Variants in L3MBTL4 observed in about 807,000 individuals in gnomAD.
The protein encoded by L3MBTL4 is lethal(3)malignant brain tumor-like protein 4.
A neutral mutation model predicts 84.5 loss-of-function variants in L3MBTL4; 70 were observed. The ratio of observed to expected loss-of-function variants is 0.83; its 90% CI spans 0.68 to 1.01. The LOEUF is 1.01. L3MBTL4 is among the 50% of genes least tolerant of loss of function. The pLI, the probability that L3MBTL4 is intolerant of heterozygous loss-of-function variation, is 0.00. For synonymous variants in L3MBTL4, 274 were observed against 259.8 expected (o/e 1.05, Z -0.52); for missense variants, 715 against 754.8 (o/e 0.95, Z 0.62).
intron 11 of L3MBTL4, 127 bp from the exon 12 acceptor site, chr18:6,213,386 T>G: frequency 1.7e-6 from 1 of 576,118 alleles, no homozygotes. Flanking sequence ...TGGAATTTAG[T>G]GTTTTTTGTT....
intron 13 of L3MBTL4, 103 bp downstream of exon 13, chr18:6,171,725 G>A: frequency 1.6e-6 from 1 of 618,540 alleles, no homozygotes; most frequent in Non-Finnish European, 2.8e-6. Context: ...TCGCCTATGT[G>A]ATGTTTAGCT....
At chr18:6,235,346 A>G in intron 10 of L3MBTL4, among the ~76,000 whole-genome samples, 1 of 152,200 alleles carries the variant, frequency 6.6e-6, no homozygotes, top group Admixed American at 6.5e-5. Flanking sequence ...AAAAAGAAAT[A>G]AAGACGTATG....
rs527932604 is a variant in L3MBTL4, at chr18:6,111,082, G to A, written c.1200-17554C>T. Among the ~76,000 whole-genome samples the A allele has an allele frequency of 7.2e-4, 110 of 151,938 alleles. 1 individual carries two copies. The South Asian group carries it at 0.01, about 14-fold the overall frequency. ...ATTCACCATTTGCAAGGAAAAGAAA[G>A]AACCTAAGAAGAGAAGCAAGCAGGA... On this transcript the variant is annotated intron_variant, in intron 14 of 18. Coordinates refer to ENST00000317931, the MANE Select transcript of L3MBTL4 (RefSeq NM_001330559.2).
intron 10 of L3MBTL4, among the ~76,000 whole-genome samples, chr18:6,222,639 C>A (rs1277991028): frequency 1.3e-5 from 2 of 152,100 alleles, no homozygotes; most frequent in Non-Finnish European, 2.9e-5. Context: ...CTAACCGTAT[C>A]ATATTCCACT....
chr18:6,315,691 G>A (rs392054), intron 1 of L3MBTL4, among the ~76,000 whole-genome samples: 8,166 of 152,116 alleles, frequency 0.054, 253 homozygotes, highest in East Asian at 0.11. Context: ...CACTCAGTAC[G>A]CTAGCCAAAT....
chr18:6,018,470 C>T (rs650565), intron 16 of L3MBTL4, among the ~76,000 whole-genome samples: 5,435 of 152,174 alleles, frequency 0.036, 332 homozygotes, highest in African/African-American at 0.12. Flanking sequence ...CTTTTCCTAC[C>T]CACGGAAAGC....
chr18:6,158,013 C>T (rs1432634986), intron 13 of L3MBTL4, among the ~76,000 whole-genome samples: 1 of 152,188 alleles, frequency 6.6e-6, no homozygotes, highest in Non-Finnish European at 1.5e-5. Context: ...TCCATAGCTA[C>T]TACTCAAGAA....
intron 16 of L3MBTL4, among the ~76,000 whole-genome samples, chr18:6,033,176 AT>A (rs2055923557): frequency 1.3e-5 from 2 of 152,186 alleles, no homozygotes; most frequent in South Asian, 4.1e-4. Context: ...AGGTGCACAA[AT>A]GTTTATAATT....
chr18:6,279,510 G>C (rs2049233463), intron 4 of L3MBTL4, among the ~76,000 whole-genome samples: 1 of 152,120 alleles, frequency 6.6e-6, no homozygotes, highest in Non-Finnish European at 1.5e-5. Context: ...TGTCACTAGA[G>C]AGGAATCAAG....
intron 16 of L3MBTL4, chr18:6,030,097 T>C (rs1207889807): frequency 1.0e-6 from 1 of 971,584 alleles, no homozygotes; most frequent in Non-Finnish European, 1.2e-6. Context: ...GAGGAAACTG[T>C]TTAACAATGT....
At chr18:6,195,322 T>C (rs2045326232) in intron 12 of L3MBTL4, among the ~76,000 whole-genome samples, 1 of 152,146 alleles carries the variant, frequency 6.6e-6, no homozygotes, top group Admixed American at 6.5e-5. Context: ...TCCCCATCAA[T>C]TGCACATGTG....
At chr18:6,364,956 T>C (rs2053865656) in intron 1 of L3MBTL4, among the ~76,000 whole-genome samples, 1 of 152,062 alleles carries the variant, frequency 6.6e-6, no homozygotes, top group Non-Finnish European at 1.5e-5. Flanking sequence ...AGGACAATTG[T>C]TTATTTTTAA....
intron 16 of L3MBTL4, among the ~76,000 whole-genome samples, chr18:6,003,835 T>C (rs760416963): frequency 1.3e-5 from 2 of 152,072 alleles, no homozygotes; most frequent in Non-Finnish European, 2.9e-5. Context: ...GAGACAAATT[T>C]ACATAAAAAC....
chr18:6,246,441 T>G (rs1345196311), intron 5 of L3MBTL4, among the ~76,000 whole-genome samples: 2 of 152,198 alleles, frequency 1.3e-5, no homozygotes, highest in Admixed American at 6.5e-5. Context: ...AGATTCACCA[T>G]TACTAGTCAC....
chr18:5,995,257 T>C (rs543243590), intron 16 of L3MBTL4, among the ~76,000 whole-genome samples: 12 of 152,240 alleles, frequency 7.9e-5, no homozygotes, highest in Non-Finnish European at 1.3e-4. Flanking sequence ...AGTGGGCTCC[T>C]GGGTTGATTA....
intron 4 of L3MBTL4, among the ~76,000 whole-genome samples, chr18:6,294,167 A>T (rs545959130): frequency 9.2e-5 from 14 of 151,904 alleles, no homozygotes; most frequent in African/African-American, 3.4e-4. Context: ...AATTCAGGAG[A>T]AAAAAAAATC....
At chr18:6,396,269 C>G (rs1242474683) in intron 1 of L3MBTL4, 1 of 152,214 alleles carries the variant, frequency 6.6e-6, no homozygotes, top group African/African-American at 2.4e-5. Context: ...ATCCAAAGCT[C>G]CTAGGAACCC....
At chr18:6,234,118 G>C (rs2047114110) in intron 10 of L3MBTL4, among the ~76,000 whole-genome samples, 1 of 152,184 alleles carries the variant, frequency 6.6e-6, no homozygotes, top group Non-Finnish European at 1.5e-5. Flanking sequence ...GCGACATGTA[G>C]AAAGCTGAAA....
chr18:6,362,713 T>TACA (rs1331432174), intron 1 of L3MBTL4, among the ~76,000 whole-genome samples: 1 of 152,206 alleles, frequency 6.6e-6, no homozygotes, highest in South Asian at 2.1e-4. Flanking sequence ...CCTGGTAACT[T>TACA]ACAACATCTT....
Sources: gnomAD v4.1 joint callset for allele counts (sites outside exome capture counted in the v4.1 genomes callset) on GRCh38, gnomAD v4.1.1 for gene constraint, MANE v1.5 for transcripts, NCBI Gene and HGNC (gene_info 2026-07-23, HGNC 2026-07-21) for gene names.